Variants in METTL15 observed in about 807,000 individuals in gnomAD.
METTL15 encodes the protein methyltransferase 15, mitochondrial 12S rRNA N4-cytidine, also known as 12S rRNA N(4)-cytidine methyltransferase METTL15.
In METTL15, 34 loss-of-function variants were observed where a neutral mutation model predicts 38.3. The ratio of observed to expected loss-of-function variants is 0.89; its 90% CI spans 0.68 to 1.18. The LOEUF (loss-of-function observed/expected upper bound fraction) is 1.18. Ranked by LOEUF, METTL15 falls within the 50% of genes most tolerant of loss-of-function variation. The probability of loss-of-function intolerance (pLI) is 0.00; values close to 1 mark genes in which losing one functional copy is unlikely to be tolerated. For synonymous variants in METTL15, 162 were observed against 170.9 expected, an observed-to-expected ratio of 0.95 and a Z score of 0.41; for missense variants, 438 against 498.4, an observed-to-expected ratio of 0.88 and a Z score of 1.15.
At chr11:28,491,453 G>T (rs1034454160) in intron 6 of METTL15, among the ~76,000 whole-genome samples, 2 of 152,046 alleles carry the variant, frequency 1.3e-5, no homozygotes, top group Non-Finnish European at 2.9e-5. Flanking sequence ...TATTGGTCAC[G>T]TCAGGTGCAT....
chr11:28,393,190 T>C (rs1021498821), intron 5 of METTL15, among the ~76,000 whole-genome samples: 2 of 152,212 alleles, frequency 1.3e-5, no homozygotes, highest in East Asian at 1.9e-4. Flanking sequence ...TTTAAGGGAA[T>C]TGAAAACAGT....
intron 4 of METTL15, among the ~76,000 whole-genome samples, chr11:28,263,545 A>G (rs1448842040): frequency 6.6e-6 from 1 of 152,072 alleles, no homozygotes; most frequent in African/African-American, 2.4e-5. Context: ...TTGAAACATT[A>G]TTATATAATT....
intron 4 of METTL15, among the ~76,000 whole-genome samples, chr11:28,272,277 AC>A (rs1855674232): frequency 6.6e-6 from 1 of 152,226 alleles, no homozygotes; most frequent in Non-Finnish European, 1.5e-5. Context: ...ACATATGTTT[AC>A]TGCAGCACTG....
At chr11:28,278,341 C>A (rs1391675965) in intron 4 of METTL15, among the ~76,000 whole-genome samples, 1 of 152,100 alleles carries the variant, frequency 6.6e-6, no homozygotes, top group Non-Finnish European at 1.5e-5. Context: ...TTAAGAAAAT[C>A]AAGGGATAAA....
chr11:28,336,042 A>G (rs535726361), downstream of METTL15, among the ~76,000 whole-genome samples: 13 of 152,258 alleles, frequency 8.5e-5, no homozygotes, highest in South Asian at 4.1e-4. Flanking sequence ...TCTGGACGTT[A>G]TGGTTAAAGA....
intron 3 of METTL15, among the ~76,000 whole-genome samples, chr11:28,141,862 G>A (rs1849709630): frequency 6.6e-6 from 1 of 152,118 alleles, no homozygotes; most frequent in African/African-American, 2.4e-5. Flanking sequence ...TTTTCACAAA[G>A]GCAGTTTCCA....
chr11:28,146,419 G>A (rs867414140), intron 3 of METTL15, among the ~76,000 whole-genome samples: 2 of 152,010 alleles, frequency 1.3e-5, no homozygotes, highest in African/African-American at 4.8e-5. Flanking sequence ...TCAGCTCAGT[G>A]TTACTGATTG....
At chr11:28,233,531 A>T (rs1853783615) in intron 4 of METTL15, among the ~76,000 whole-genome samples, 1 of 151,514 alleles carries the variant, frequency 6.6e-6, no homozygotes. Flanking sequence ...TTCCCTCTTA[A>T]CTCTCTATTG....
chr11:28,296,607 GT>G, intron 5 of METTL15, 145 bp from the exon 6 acceptor site: 1 of 717,882 alleles, frequency 1.4e-6, no homozygotes, highest in Admixed American at 2.9e-5. Context: ...TATTTCATTT[GT>G]TTAAGGTTTC....
At chr11:28,473,863 A>T (rs1372213526) in intron 6 of METTL15, among the ~76,000 whole-genome samples, 1 of 151,816 alleles carries the variant, frequency 6.6e-6, no homozygotes, top group African/African-American at 2.4e-5. Context: ...GTGAGAACCT[A>T]TGTTTTCTTC....
chr11:28,471,882 TG>T (rs1005383303), intron 6 of METTL15, among the ~76,000 whole-genome samples: 6 of 151,966 alleles, frequency 3.9e-5, no homozygotes, highest in Admixed American at 3.9e-4. Context: ...TCATTCTCTG[TG>T]GGGGGAAAAA....
intron 6 of METTL15, among the ~76,000 whole-genome samples, chr11:28,319,009 C>T (rs1849367727): frequency 6.6e-6 from 1 of 152,162 alleles, no homozygotes; most frequent in Non-Finnish European, 1.5e-5. Context: ...CAAAGGTATT[C>T]ATTATCATTC....
rs1339137525 is a variant in METTL15 at position 28,278,391 on chromosome 11, C to T, written c.408-11815C>T. ...GGAAGTTTTCTTTTAAAAATTCTTT[C>T]TTATTCATTTTCTAATCTGTTTTAT... On this transcript the variant is annotated intron_variant, in intron 4 of 6. Coordinates refer to ENST00000407364, the MANE Select transcript of METTL15 (RefSeq NM_001113528.2). Among the ~76,000 whole-genome samples the T allele has an allele frequency of 3.9e-5, 6 of 152,112 alleles. No individual in the cohort carries two copies. In the East Asian group the frequency reaches 9.6e-4, roughly 24 times the overall value.
At chr11:28,430,122 AACC>A (rs994675742) in intron 6 of METTL15, among the ~76,000 whole-genome samples, 7 of 147,168 alleles carry the variant, frequency 4.8e-5, no homozygotes, top group African/African-American at 1.5e-4. Flanking sequence ...TCTGCCTGGC[AACC>A]ACCCCGTCTG....
chr11:28,131,389 T>C (rs1227160876), intron 3 of METTL15, among the ~76,000 whole-genome samples: 1 of 152,114 alleles, frequency 6.6e-6, no homozygotes, highest in African/African-American at 2.4e-5. Flanking sequence ...CTGGTTATGT[T>C]AACACCGGTG....
intron 6 of METTL15, among the ~76,000 whole-genome samples, chr11:28,320,983 C>A (rs1439842929): frequency 6.6e-6 from 1 of 151,902 alleles, no homozygotes; most frequent in Admixed American, 6.6e-5. Context: ...TCTTTTAGTC[C>A]AATACCTAAC....
rs552081129 is a variant in METTL15 at position 28,136,805 on chromosome 11, G to A, written c.270+23201G>A. Among the ~76,000 whole-genome samples the A allele has an allele frequency of 4.0e-5, 6 of 151,834 alleles. No homozygotes were observed. The East Asian group carries it at 1.2e-3, about 29-fold the overall frequency. Reference sequence around the variant, plus strand: ...TTTTTGAAGCTGAAGTTTGATTTTGGGAAATATGTTAAATATATATGTTAG... The same window carrying A: ...TTTTTGAAGCTGAAGTTTGATTTTGAGAAATATGTTAAATATATATGTTAG... On this transcript the variant is annotated intron_variant, in intron 3 of 6. Coordinates refer to ENST00000407364, the MANE Select transcript of METTL15 (RefSeq NM_001113528.2).
At position 28,430,302 on chromosome 11, in the gene METTL15, G is replaced by T. The variant is rs1850907613; in HGVS notation, c.*424+5938G>T. Reference sequence around the variant, plus strand: ...GGGGGTCAGCCCCCCCGCCCGGCCAGCCGTGCCATCCGGGAGGGAGGTGAG... The same window carrying T: ...GGGGGTCAGCCCCCCCGCCCGGCCATCCGTGCCATCCGGGAGGGAGGTGAG... On this transcript the variant is annotated intron_variant and NMD_transcript_variant, in intron 6 of 7. Transcript: ENST00000532947. 2.2e-5 allele frequency among the ~76,000 whole-genome samples: 3 copies of T among 136,060 alleles called. 1 individual carries two copies. Among genetic ancestry groups the T allele is most frequent in the South Asian group, 5.1e-4 (2 of 3,946 alleles). The allele number at this position is 136,060 out of a possible 152,430, so 89.3% of individuals were successfully genotyped here.
chr11:28,475,018 C>A (rs181739949), intron 6 of METTL15, among the ~76,000 whole-genome samples: 142 of 152,200 alleles, frequency 9.3e-4, no homozygotes, highest in African/African-American at 1.6e-3. Flanking sequence ...TTAATCAGAT[C>A]GTTTTGATAG....
Sources: allele counts gnomAD v4.1 joint callset (sites outside exome capture counted in the v4.1 genomes callset), GRCh38; gene constraint gnomAD v4.1.1; transcripts MANE v1.5; gene names NCBI Gene and HGNC (gene_info 2026-07-23, HGNC 2026-07-21).